The following BSN variants were observed in gnomAD, a reference collection of about 807,000 sequenced individuals.
BSN encodes protein bassoon.
A neutral mutation model predicts 264.8 loss-of-function variants in BSN; 57 were observed. The ratio of observed to expected loss-of-function variants is 0.22; its 90% CI spans 0.17 to 0.27. The LOEUF is 0.27. Among genes scored for constraint, BSN ranks in the 10% least tolerant of loss-of-function variants. BSN has a pLI of 1.00. For synonymous variants in BSN, 2,059 were observed against 2,137.3 expected, an observed-to-expected ratio of 0.96 and a Z score of 1.01; for missense variants, 4,615 against 5,232.5, an observed-to-expected ratio of 0.88 and a Z score of 3.64.
intron 6 of BSN, 98 bp downstream of exon 6, chr3:49,662,660 GTCTGGCGCCTCA>G: frequency 7.3e-6 from 11 of 1,501,238 alleles, no homozygotes; most frequent in Non-Finnish European, 9.7e-6. Flanking sequence ...GCAGGGTCTG[GTCTGGCGCCTCA>G]TCTGGTGGGC....
intron 1 of BSN, among the ~76,000 whole-genome samples, chr3:49,566,168 G>A (rs761791000): frequency 1.3e-5 from 2 of 152,162 alleles, no homozygotes; most frequent in Non-Finnish European, 2.9e-5. Flanking sequence ...TCCAAACAAC[G>A]TCTACATATT....
At chr3:49,560,877 C>T (rs2051706802) in intron 1 of BSN, among the ~76,000 whole-genome samples, 1 of 152,166 alleles carries the variant, frequency 6.6e-6, no homozygotes, top group South Asian at 2.1e-4. Flanking sequence ...TGCCCCCTAG[C>T]ATTCTCTTGG....
rs1348463789 is a variant in BSN at position 49,653,356 on chromosome 3, T to C, written c.3800T>C (p.Ile1267Thr). 4 of 1,613,140 alleles carry C rather than the reference T, an allele frequency of 2.5e-6. No homozygotes were observed. The highest frequency in any genetic ancestry group is 2.7e-5 in the African/African-American group (2 of 75,038). Residue 1267 changes from isoleucine to threonine, a missense_variant, in exon 5 of 12, where the codon ATA becomes ACA. By Grantham distance (89) the Ile-to-Thr change is moderately conservative. Around this residue, in one of 3 missense-constraint regions of BSN, gnomAD observed 3,415 missense variants for 3,866.4 expected, o/e 0.88. Coordinates refer to ENST00000296452, the MANE Select transcript of BSN (RefSeq NM_003458.4). The surrounding 1 kb of genome is among the most constrained non-coding windows in gnomAD (Gnocchi z 6.3). The stretch of plus-strand genomic sequence containing the variant: ...GAAATCCTTCAGACATCACAGAGCA[T>C]AGTCCGCATGCGGCAGGCCTCCTCA... Reference protein sequence around the residue: ...YEEILQTSQSIVRMRQASSRD... With the variant: ...YEEILQTSQSTVRMRQASSRD...
intron 1 of BSN, among the ~76,000 whole-genome samples, chr3:49,609,893 A>G (rs1346386091): frequency 6.6e-6 from 1 of 152,052 alleles, no homozygotes; most frequent in African/African-American, 2.4e-5. Flanking sequence ...TCTGTGTTCT[A>G]TGCCCAGTGT....
chr3:49,564,925 G>A (rs368774153), intron 1 of BSN, among the ~76,000 whole-genome samples: 2 of 151,696 alleles, frequency 1.3e-5, no homozygotes, highest in South Asian at 2.1e-4. Context: ...TGGCTCTGTA[G>A]GGTAGGTATC....
At chr3:49,584,623 T>C (rs1416628915) in intron 1 of BSN, among the ~76,000 whole-genome samples, 1 of 152,226 alleles carries the variant, frequency 6.6e-6, no homozygotes, top group Non-Finnish European at 1.5e-5. Flanking sequence ...TCCTTTGAGT[T>C]ACAAACAATC....
intron 1 of BSN, among the ~76,000 whole-genome samples, chr3:49,559,313 G>A (rs1189282616): frequency 6.6e-6 from 1 of 152,026 alleles, no homozygotes; most frequent in African/African-American, 2.4e-5. Context: ...ATGAACTTTT[G>A]TGTTCCCATT....
At chr3:49,671,957 C>G (rs1209785212), downstream of BSN, among the ~76,000 whole-genome samples, 2 of 151,942 alleles carry the variant, frequency 1.3e-5, no homozygotes, top group Non-Finnish European at 2.9e-5. The surrounding 1 kb of genome is among the most constrained non-coding windows in gnomAD (Gnocchi z 4.1). Context: ...TCACCGGCTG[C>G]CAGACCTTAG....
At chr3:49,593,264 GGT>G (rs1306693165) in intron 1 of BSN, among the ~76,000 whole-genome samples, 1 of 152,122 alleles carries the variant, frequency 6.6e-6, no homozygotes, top group East Asian at 1.9e-4. Context: ...AGTATTTCAT[GGT>G]ATGCATGTAT....
chr3:49,570,579 G>A (rs2051788111), intron 1 of BSN, among the ~76,000 whole-genome samples: 2 of 152,198 alleles, frequency 1.3e-5, no homozygotes, highest in Admixed American at 1.3e-4. Context: ...GGAGCCCTGG[G>A]AAGACCATCC....
rs781203015 is a variant in BSN at position 49,662,318 on chromosome 3, C to T, written c.10473C>T (p.Ser3491=). The part of the protein sequence containing the change: ...PKPSSLSMAH[S]RVRPPMRSQA... ...CCTCATCCCTAAGTATGGCCCACAGCCGGGTACGACCCCCCATGCGGAGCC... is the reference window on the plus strand; with the variant it reads ...CCTCATCCCTAAGTATGGCCCACAGTCGGGTACGACCCCCCATGCGGAGCC... The change falls in exon 6 of 12, where the codon AGC becomes AGT. Residue 3491 remains serine (S), a synonymous_variant. Transcript: ENST00000296452. 1.2e-6 allele frequency: 2 copies of T among 1,613,680 alleles called. No homozygotes were observed. Among genetic ancestry groups the T allele is most frequent in the South Asian group, 2.2e-5 (2 of 91,090 alleles).
intron 1 of BSN, among the ~76,000 whole-genome samples, chr3:49,560,323 A>G (rs2051702966): frequency 6.6e-6 from 1 of 152,174 alleles, no homozygotes; most frequent in South Asian, 2.1e-4. Context: ...AGTTGGGGCT[A>G]ACTGTGAAGG....
rs199645249 is a variant in BSN at position 49,576,237 on chromosome 3, C to A, written c.224+21411C>A. ...CTGAGGGCACTGTGAGCTGCAGCAG[C>A]ATCCTGCTTGGGGAGGACAGTGGCC... On this transcript the variant is annotated intron_variant, in intron 1 of 11. Transcript: ENST00000296452. Among the ~76,000 whole-genome samples, 7 of 152,078 alleles carry A rather than the reference C, an allele frequency of 4.6e-5. No individual in the cohort carries two copies. In the East Asian group the frequency reaches 1.4e-3, roughly 29 times the overall value.
chr3:49,631,196 C>T (rs1209529774), intron 2 of BSN, among the ~76,000 whole-genome samples: 3 of 152,018 alleles, frequency 2.0e-5, no homozygotes, highest in Non-Finnish European at 4.4e-5. Context: ...AGCAAACACA[C>T]AATCACATCT....
At position 49,656,476 on chromosome 3, in the gene BSN, G is replaced by A. The variant is rs781268137; in HGVS notation, c.6920G>A (p.Arg2307Gln). Residue 2307 changes from arginine (R) to glutamine (Q), a missense_variant, in exon 5 of 12, where the codon CGG becomes CAG. Arg to Gln is a conservative substitution (Grantham distance 43). Around this residue, in one of 3 missense-constraint regions of BSN, gnomAD observed 3,415 missense variants for 3,866.4 expected, o/e 0.88. Transcript: ENST00000296452. The part of the protein sequence containing the change: ...SRPEMPVGAA[R>Q]EEPLPTTTPA... ...CCAGAGATGCCAGTAGGGGCTGCACGGGAAGAGCCTCTTCCCACAACCACC... is the reference window on the plus strand; with the variant it reads ...CCAGAGATGCCAGTAGGGGCTGCACAGGAAGAGCCTCTTCCCACAACCACC... 22 of 1,596,538 alleles carry A rather than the reference G, an allele frequency of 1.4e-5. No individual in the cohort carries two copies. The Admixed American group carries it at 2.4e-4, about 17-fold the overall frequency.
At chr3:49,588,385 C>T (rs1264411872) in intron 1 of BSN, among the ~76,000 whole-genome samples, 1 of 152,086 alleles carries the variant, frequency 6.6e-6, no homozygotes, top group Non-Finnish European at 1.5e-5. Context: ...GATTTTTCCC[C>T]GTTCAGTATG....
chr3:49,652,612 C>G lies in BSN; in HGVS notation c.3056C>G (p.Ala1019Gly). The G allele has an allele frequency of 6.2e-7, 1 of 1,613,360 alleles. No individual in the cohort carries two copies. The highest frequency in any genetic ancestry group is 8.5e-7 in the Non-Finnish European group (1 of 1,179,834). The change falls in exon 5 of 12, where the codon GCA becomes GGA. Residue 1019 changes from alanine (A) to glycine (G), a missense_variant. Transcript: ENST00000296452. ...AGCCGCAGGCAGCGTCTAGAAGAAG[C>G]AAAGCAGCAGCGCAAGGCCCGGCAC... is the stretch of plus-strand genomic sequence containing the variant. ...SPSRRQRLEE[A>G]KQQRKARHRS...
chr3:49,662,613 T>TGCGTACCTGTGGGGCCC, intron 6 of BSN, 51 bp downstream of exon 6: 1 of 1,540,064 alleles, frequency 6.5e-7, no homozygotes, highest in African/African-American at 1.4e-5. Flanking sequence ...CTGGGGGGCC[T>TGCGTACCTGTGGGGCCC]GCCTACCTGT....
intron 1 of BSN, among the ~76,000 whole-genome samples, chr3:49,622,085 G>T (rs1391267579): frequency 1.3e-5 from 2 of 152,116 alleles, no homozygotes; most frequent in African/African-American, 4.8e-5. Flanking sequence ...GGGAGAATTT[G>T]TGAAGGTGAG....
Sources: allele counts gnomAD v4.1 joint callset (sites outside exome capture counted in the v4.1 genomes callset), GRCh38; gene constraint gnomAD v4.1.1; regional missense constraint gnomAD v4.1.1; non-coding constraint Gnocchi (gnomAD v3.1); transcripts MANE v1.5; gene names NCBI Gene and HGNC (gene_info 2026-07-23, HGNC 2026-07-21).